GRAMD2A: variants seen among roughly 807,000 people sequenced by gnomAD.
The protein encoded by GRAMD2A is GRAM domain-containing protein 2A.
A neutral mutation model predicts 51.1 loss-of-function variants in GRAMD2A; 37 were observed. The ratio of observed to expected loss-of-function variants is 0.72; its 90% confidence interval spans 0.56 to 0.95. The LOEUF is 0.95. GRAMD2A is among the 40% of genes least tolerant of loss of function. GRAMD2A has a pLI of 0.00. For synonymous variants in GRAMD2A, 136 were observed against 157.1 expected (o/e 0.87, Z 1.01); for missense variants, 414 against 426.9 (o/e 0.97, Z 0.27).
chr15:72,192,538 T>G (rs1223905177), intron 1 of GRAMD2A, among the ~76,000 whole-genome samples: 1 of 152,084 alleles, frequency 6.6e-6, no homozygotes, highest in Non-Finnish European at 1.5e-5. Flanking sequence ...AGAAAAAAAA[T>G]CCTAATAATC....
chr15:72,190,773 A>T (rs1481923924), intron 1 of GRAMD2A, among the ~76,000 whole-genome samples: 1 of 152,230 alleles, frequency 6.6e-6, no homozygotes, highest in Non-Finnish European at 1.5e-5. Flanking sequence ...TTCTGGGAAG[A>T]GAGCATTTCA....
At chr15:72,169,118 T>G in intron 2 of GRAMD2A, 122 bp from the exon 3 acceptor site, 1 of 805,772 alleles carries the variant, frequency 1.2e-6, no homozygotes, top group Non-Finnish European at 2.1e-6. Context: ...ACTAGGACCC[T>G]TCTCTAGGGG....
intron 1 of GRAMD2A, among the ~76,000 whole-genome samples, chr15:72,196,608 A>G (rs149178074): frequency 2.5e-4 from 38 of 152,280 alleles, no homozygotes; most frequent in African/African-American, 8.4e-4. Flanking sequence ...CAGCAAGGCC[A>G]TAAGTCTTTG....
At chr15:72,180,005 G>A (rs896527334) in intron 1 of GRAMD2A, among the ~76,000 whole-genome samples, 2 of 152,144 alleles carry the variant, frequency 1.3e-5, no homozygotes, top group Non-Finnish European at 2.9e-5. Context: ...TCGGAGGCAC[G>A]ACCCAACTTC....
At chr15:72,180,024 C>T (rs1397197906) in intron 1 of GRAMD2A, among the ~76,000 whole-genome samples, 10 of 152,222 alleles carry the variant, frequency 6.6e-5, no homozygotes, top group Non-Finnish European at 1.0e-4. Context: ...TCAGCTCAGG[C>T]CCAGCCTCCC....
intron 1 of GRAMD2A, among the ~76,000 whole-genome samples, chr15:72,195,655 C>T (rs1472208265): frequency 6.6e-6 from 1 of 152,214 alleles, no homozygotes; most frequent in Non-Finnish European, 1.5e-5. Flanking sequence ...TGCAGTGGCT[C>T]ACACCTGTAA....
At position 72,170,012 on chromosome 15, in the gene GRAMD2A, C is replaced by T. The variant is rs1596684522; in HGVS notation, c.42-73G>A. 6 of 1,071,918 alleles carry T rather than the reference C, an allele frequency of 5.6e-6. No homozygotes were observed. The highest frequency in any genetic ancestry group is 1.7e-5 in the Admixed American group (1 of 59,256). 66.4% of individuals were successfully genotyped at this position (1,071,918 alleles called of 1,614,324 possible). ...CTTTCCCTAACAGCCCCACCATGCCCATGGCCGCTGCCTCTGGCCCCCACC... is the reference window on the plus strand; with the variant it reads ...CTTTCCCTAACAGCCCCACCATGCCTATGGCCGCTGCCTCTGGCCCCCACC... On this transcript the variant is annotated intron_variant, in intron 1 of 11. Coordinates refer to ENST00000309731, the MANE Select transcript of GRAMD2A (RefSeq NM_001012642.3). This position sits in a 1 kb window ranked among gnomAD's most constrained non-coding sequence, Gnocchi z 4.5.
chr15:72,173,856 G>C (rs938778337), intron 1 of GRAMD2A: 2 of 145,576 alleles, frequency 1.4e-5, no homozygotes, highest in African/African-American at 5.1e-5. Context: ...TTGAACCCGG[G>C]AGGTGGAGGT....
chr15:72,189,964 C>T (rs760530440), intron 1 of GRAMD2A, among the ~76,000 whole-genome samples: 67 of 152,058 alleles, frequency 4.4e-4, no homozygotes, highest in Non-Finnish European at 5.3e-4. Context: ...AATAAATATT[C>T]GAGTGGGTGG....
intron 1 of GRAMD2A, among the ~76,000 whole-genome samples, chr15:72,186,729 T>G (rs576833083): frequency 2.0e-5 from 3 of 152,192 alleles, no homozygotes; most frequent in South Asian, 4.1e-4. Context: ...TGGGGAAAAA[T>G]GTAGAAATAC....
intron 1 of GRAMD2A, chr15:72,173,623 T>A (rs1194483409): frequency 6.6e-6 from 1 of 152,096 alleles, no homozygotes; most frequent in Non-Finnish European, 1.5e-5. Flanking sequence ...CTTTCAAGTC[T>A]CTTTAAATTA....
intron 1 of GRAMD2A, among the ~76,000 whole-genome samples, chr15:72,181,945 G>A (rs1452857872): frequency 6.6e-6 from 1 of 152,174 alleles, no homozygotes; most frequent in Admixed American, 6.5e-5. Flanking sequence ...AGGAACAGAA[G>A]CTATCAACAA....
chr15:72,176,708 C>T (rs555863065), intron 1 of GRAMD2A: 1 of 152,440 alleles, frequency 6.6e-6, no homozygotes, highest in East Asian at 1.9e-4. Context: ...CTCTTCCCCC[C>T]AGTGGCTGCT....
chr15:72,166,537 C>A lies in GRAMD2A; in HGVS notation c.543+95G>T. On this transcript the variant is annotated intron_variant, in intron 7 of 11. Coordinates refer to ENST00000309731, the MANE Select transcript of GRAMD2A (RefSeq NM_001012642.3). The surrounding 1 kb of genome is among the most constrained non-coding windows in gnomAD (Gnocchi z 4.1). ...CCCTCTCCCTGCCCCATTCCCTGTG[C>A]TGGAGAGATGGGCGACCTCCCCCAA... 1 of 870,852 alleles carries A rather than the reference C, an allele frequency of 1.1e-6. No individual in the cohort carries two copies. The highest frequency in any genetic ancestry group is 2.0e-6 in the Non-Finnish European group (1 of 511,854). 53.9% of individuals were successfully genotyped at this position (870,852 alleles called of 1,614,324 possible).
intron 1 of GRAMD2A, among the ~76,000 whole-genome samples, chr15:72,178,176 C>T (rs1258788310): frequency 6.6e-6 from 1 of 152,212 alleles, no homozygotes; most frequent in Non-Finnish European, 1.5e-5. Context: ...GGGTCCTGAC[C>T]CTCCTGAGCC....
chr15:72,181,254 AT>A (rs1347167865), intron 1 of GRAMD2A, among the ~76,000 whole-genome samples: 1 of 152,254 alleles, frequency 6.6e-6, no homozygotes, highest in East Asian at 1.9e-4. Flanking sequence ...GGTTTTGGTC[AT>A]TATCTTAAAA....
chr15:72,169,380 G>A (rs1567084132), intron 2 of GRAMD2A: 5 of 475,878 alleles, frequency 1.1e-5, no homozygotes, highest in East Asian at 5.4e-5. Flanking sequence ...AATAGGGACA[G>A]TTTGGGGTGT....
intron 8 of GRAMD2A, among the ~76,000 whole-genome samples, chr15:72,164,554 TG>T (rs1211234860): frequency 6.6e-6 from 1 of 152,100 alleles, no homozygotes; most frequent in Non-Finnish European, 1.5e-5. Flanking sequence ...TACAGGTACG[TG>T]CCAACATGCC....
In GRAMD2A at chr15:72,169,828, C is replaced by A. The variant is rs1279306297; in HGVS notation, c.134+19G>T. 3.1e-6 allele frequency: 5 copies of A among 1,591,866 alleles called. No homozygotes were observed. The highest frequency in any genetic ancestry group is 4.3e-6 in the Non-Finnish European group (5 of 1,159,786). ...CCCTCTAGTCTGTGTGTATCTATGACTGGGAAAGGGGTCCTCACCTGTAGT... is the reference window on the plus strand; with the variant it reads ...CCCTCTAGTCTGTGTGTATCTATGAATGGGAAAGGGGTCCTCACCTGTAGT... On this transcript the variant is annotated intron_variant, in intron 2 of 11. Coordinates refer to ENST00000309731, the MANE Select transcript of GRAMD2A (RefSeq NM_001012642.3).
Sources: allele counts gnomAD v4.1 joint callset (sites outside exome capture counted in the v4.1 genomes callset), GRCh38; gene constraint gnomAD v4.1.1; non-coding constraint Gnocchi (gnomAD v3.1); transcripts MANE v1.5; gene names NCBI Gene and HGNC (gene_info 2026-07-23, HGNC 2026-07-21).